Variants in FIG4 observed in about 807,000 individuals in gnomAD.
FIG4 encodes the protein FIG4 phosphoinositide 5-phosphatase.
In FIG4, 112 loss-of-function variants were observed where a neutral mutation model predicts 118.6. That is an observed-to-expected ratio of 0.94 (90% CI 0.81 to 1.11). The LOEUF (loss-of-function observed/expected upper bound fraction) is 1.11. Among genes scored for constraint, FIG4 ranks in the 50% least tolerant of loss-of-function variants. FIG4 has a pLI of 0.00. For synonymous variants in FIG4, 369 were observed against 381.2 expected (o/e 0.97, Z 0.37); for missense variants, 969 against 1,111.7 (o/e 0.87, Z 1.83).
In FIG4 at chr6:109,796,796, C is replaced by T; in HGVS notation, c.2491C>T (p.Gln831Ter). 1 of 1,612,092 alleles carries T rather than the reference C, an allele frequency of 6.2e-7. No individual in the cohort carries two copies. Among genetic ancestry groups the T allele is most frequent in the African/African-American group, 1.3e-5 (1 of 75,012 alleles). Reference sequence around the variant, plus strand: ...TCAGCTGGGGCAGAGTCAACATAAACAAGACAAGAATAGCCAGCAGCCCTG... The same window carrying T: ...TCAGCTGGGGCAGAGTCAACATAAATAAGACAAGAATAGCCAGCAGCCCTG... ...FVQLGQSQHK[Q>*]DKNSQQPCSR... Residue 831 changes from glutamine (Q) to a stop codon, truncating the protein, a stop_gained, in exon 22 of 23, where the codon CAA (glutamine) becomes TAA (stop). Transcript: ENST00000230124. LOFTEE classifies it high-confidence loss of function.
chr6:109,718,328 A>G (rs1323678066), intron 3 of FIG4, among the ~76,000 whole-genome samples: 1 of 152,232 alleles, frequency 6.6e-6, no homozygotes, highest in Non-Finnish European at 1.5e-5. Flanking sequence ...ACAATGGAAC[A>G]TGAGATTTGT....
At chr6:109,708,527 C>T (rs13207864) in intron 1 of FIG4, among the ~76,000 whole-genome samples, 36,611 of 152,102 alleles carry the variant, frequency 0.24, 4,755 homozygotes, top group Middle Eastern at 0.31. Context: ...GTCTTTAGGT[C>T]TTAGAGGAAT....
At chr6:109,724,074 G>A (rs897487556) in intron 3 of FIG4, among the ~76,000 whole-genome samples, 2 of 152,022 alleles carry the variant, frequency 1.3e-5, no homozygotes, top group South Asian at 2.1e-4. Flanking sequence ...TCCTCAGAAC[G>A]TATATCCATT....
chr6:109,785,330 T>C (rs1194498685), intron 17 of FIG4, among the ~76,000 whole-genome samples: 1 of 152,178 alleles, frequency 6.6e-6, no homozygotes, highest in East Asian at 1.9e-4. Context: ...CTCATCACTT[T>C]AAACTAATAC....
intron 22 of FIG4, among the ~76,000 whole-genome samples, chr6:109,799,644 A>AT (rs1159169136): frequency 6.6e-6 from 1 of 152,194 alleles, no homozygotes; most frequent in Non-Finnish European, 1.5e-5. Flanking sequence ...TGAAGAAACC[A>AT]TTTTTTTCTT....
intron 15 of FIG4, among the ~76,000 whole-genome samples, chr6:109,767,116 T>A (rs553681471): frequency 6.6e-6 from 1 of 152,354 alleles, no homozygotes; most frequent in South Asian, 2.1e-4. Context: ...GCACCCATAA[T>A]TAGAGTTTTT....
chr6:109,720,496 A>G (rs1276614467), intron 3 of FIG4, among the ~76,000 whole-genome samples: 3 of 152,218 alleles, frequency 2.0e-5, no homozygotes, highest in African/African-American at 7.2e-5. Context: ...ATCTAGAACA[A>G]TACTTCTCTA....
chr6:109,699,918 T>A (rs1774855536), intron 1 of FIG4, among the ~76,000 whole-genome samples: 1 of 152,150 alleles, frequency 6.6e-6, no homozygotes, highest in Non-Finnish European at 1.5e-5. Context: ...AAGTCCAAGA[T>A]CAAGGCACTG....
In FIG4 at chr6:109,792,595, C is replaced by T. The variant is rs760745228; in HGVS notation, c.2390C>T (p.Pro797Leu). The T allele has an allele frequency of 3.7e-6, 6 of 1,600,606 alleles. No individual in the cohort carries two copies. The East Asian group carries it at 1.1e-4, about 30-fold the overall frequency. ...TTTAAACCCCAGAATGTGGTCCAAC[C>T]CATGAAGGAGCTATATGGAATTAAC... ...SAKVTENVVQ[P>L]MKELYGINLS... The change falls in exon 21 of 23, where the codon CCC becomes CTC. Residue 797 changes from proline to leucine, a missense_variant. Coordinates refer to ENST00000230124, the MANE Select transcript of FIG4 (RefSeq NM_014845.6).
At chr6:109,725,419 C>G (rs9386839) in intron 3 of FIG4, among the ~76,000 whole-genome samples, 4 of 151,982 alleles carry the variant, frequency 2.6e-5, no homozygotes, top group Admixed American at 2.6e-4. Context: ...CATGTCCCTG[C>G]AAAGGACATG....
chr6:109,810,961 G>A (rs921287806), intron 22 of FIG4, among the ~76,000 whole-genome samples: 1 of 152,128 alleles, frequency 6.6e-6, no homozygotes, highest in Non-Finnish European at 1.5e-5. Context: ...CACATTCTCG[G>A]AATATCCAAG....
Position 109,825,343 on chromosome 6 carries a change from T to C in FIG4, c.*78T>C, listed in dbSNP as rs906523161. The stretch of plus-strand genomic sequence containing the variant: ...TGTCTCATCTTCAAAAGGTAACTTA[T>C]TAAAAGTCCTTTGCGTCTGAAGCCT... On this transcript the variant is annotated 3_prime_UTR_variant, in exon 23 of 23. Coordinates refer to ENST00000230124, the MANE Select transcript of FIG4 (RefSeq NM_014845.6). The C allele has an allele frequency of 2.2e-6, 3 of 1,360,208 alleles. No homozygotes were observed. Among genetic ancestry groups the C allele is most frequent in the Non-Finnish European group, 3.1e-6 (3 of 957,092 alleles). The allele number at this position is 1,360,208 out of a possible 1,614,324, so 84.3% of individuals were successfully genotyped here. A position where few individuals can be genotyped will look rare whatever the true frequency, so the allele number is the denominator to read the frequency against.
intron 22 of FIG4, among the ~76,000 whole-genome samples, chr6:109,800,864 T>C (rs181255616): frequency 5.3e-5 from 8 of 152,312 alleles, no homozygotes; most frequent in African/African-American, 1.4e-4. Context: ...CACCAAGTTG[T>C]TAGCATTTTT....
intron 15 of FIG4, among the ~76,000 whole-genome samples, chr6:109,769,904 G>A (rs1777407224): frequency 6.6e-6 from 1 of 152,208 alleles, no homozygotes. Context: ...GGGTGACAGA[G>A]TGAGACTGTC....
chr6:109,759,904 C>T (rs1777048070), intron 10 of FIG4, among the ~76,000 whole-genome samples: 1 of 152,152 alleles, frequency 6.6e-6, no homozygotes, highest in Non-Finnish European at 1.5e-5. Flanking sequence ...GTTGGGGGCT[C>T]CCTTCTTCTG....
intron 10 of FIG4, among the ~76,000 whole-genome samples, chr6:109,754,489 T>G (rs1776817268): frequency 6.6e-6 from 1 of 152,232 alleles, no homozygotes; most frequent in Non-Finnish European, 1.5e-5. Context: ...CTTTTTCTAT[T>G]GATTGGAATA....
At chr6:109,755,094 G>A (rs1237757159) in intron 10 of FIG4, among the ~76,000 whole-genome samples, 2 of 151,816 alleles carry the variant, frequency 1.3e-5, no homozygotes, top group African/African-American at 2.4e-5. Context: ...ATTTCACTCT[G>A]CACACTGCTT....
intron 16 of FIG4, among the ~76,000 whole-genome samples, chr6:109,784,612 A>C (rs1304922191): frequency 1.3e-5 from 2 of 152,218 alleles, no homozygotes; most frequent in African/African-American, 4.8e-5. Flanking sequence ...GTGGCAGAGT[A>C]AGTCACTGTA....
chr6:109,786,298 T>G lies in FIG4; in HGVS notation c.1949-4T>G. ...TTTAGAGTAACATGCAGTATCTCTC[T>G]TAGTTATCTGTGCTGTGAACTTAAA... On this transcript the variant is annotated splice_polypyrimidine_tract_variant and splice_region_variant and intron_variant, in intron 17 of 22. Transcript: ENST00000230124. 6.2e-7 allele frequency: 1 copy of G among 1,610,938 alleles called. No homozygotes were observed. Among genetic ancestry groups the G allele is most frequent in the Non-Finnish European group, 8.5e-7 (1 of 1,177,388 alleles).
Sources: allele counts gnomAD v4.1 joint callset (sites outside exome capture counted in the v4.1 genomes callset), GRCh38; gene constraint gnomAD v4.1.1; transcripts MANE v1.5; gene names NCBI Gene and HGNC (gene_info 2026-07-23, HGNC 2026-07-21).